The following NSD2 variants were observed in gnomAD, a reference collection of about 807,000 sequenced individuals.
The protein encoded by NSD2 is histone-lysine N-methyltransferase NSD2.
Under a neutral mutation model 139.0 loss-of-function variants are expected in NSD2, and 12 were observed. The ratio of observed to expected loss-of-function variants is 0.09; its 90% CI spans 0.06 to 0.14. The LOEUF is 0.14. Ranked by LOEUF, NSD2 falls within the 10% of genes least tolerant of loss-of-function variation. NSD2 has a pLI of 1.00. For synonymous variants in NSD2, 669 were observed against 648.7 expected (o/e 1.03, Z -0.48); for missense variants, 1,155 against 1,745.0 (o/e 0.66, Z 6.02).
intron 1 of NSD2, among the ~76,000 whole-genome samples, chr4:1,889,571 G>A (rs928521181): frequency 2.0e-5 from 3 of 151,404 alleles, no homozygotes; most frequent in Non-Finnish European, 2.9e-5. Context: ...GCACCATCTC[G>A]GCTTACTGTA....
chr4:1,948,969 C>CAGAGAAAGGGG lies in NSD2; in HGVS notation c.1882-2103_1882-2102insAGAGAAAGGGG. On this transcript the variant is annotated intron_variant, in intron 9 of 21. Transcript: ENST00000508803. This position sits in a 1 kb window ranked among gnomAD's most constrained non-coding sequence, Gnocchi z 4.5. Reference sequence around the variant, plus strand: ...TCTCCCCTGAGCCATGCAGAAGGCCCCTTTCTCTGGGCCTTGGTTCCCCCA... The same window carrying CAGAGAAAGGGG: ...TCTCCCCTGAGCCATGCAGAAGGCCCAGAGAAAGGGGCTTTCTCTGGGCCTTGGTTCCCCCA... 3.8e-6 allele frequency: 1 copy of CAGAGAAAGGGG among 264,528 alleles called. No homozygotes were observed. Among genetic ancestry groups the CAGAGAAAGGGG allele is most frequent in the Non-Finnish European group, 5.8e-6 (1 of 171,026 alleles). 16.4% of individuals were successfully genotyped at this position (264,528 alleles called of 1,614,324 possible). A position where few individuals can be genotyped will look rare whatever the true frequency, so the allele number is the denominator to read the frequency against.
Position 1,918,304 on chromosome 4 carries a change from G to C in NSD2, c.1091G>C (p.Gly364Ala). 1 of 1,614,042 alleles carries C rather than the reference G, an allele frequency of 6.2e-7. No individual in the cohort carries two copies. The highest frequency in any genetic ancestry group is 2.2e-5 in the East Asian group (1 of 44,862). The change falls in exon 5 of 22, where the codon GGC (glycine) becomes GCC (alanine). Residue 364 changes from glycine to alanine, a missense_variant. Physicochemically the swap from Gly to Ala is moderately conservative, Grantham distance 60. Transcript: ENST00000508803. ...AACCCTCAAGTAGCCAAGGAGGCTG[G>C]CATTGCTGCAGAGTCTTTGGGAGAA... ...HLNPQVAKEAGIAAESLGEMA... is the reference protein window; with the variant it reads ...HLNPQVAKEAAIAAESLGEMA...
At chr4:1,945,451 A>G in intron 9 of NSD2, 1 of 1,063,726 alleles carries the variant, frequency 9.4e-7, no homozygotes, top group Non-Finnish European at 1.1e-6. Context: ...GTCACAGAGA[A>G]GTTTAAAAAA....
intron 20 of NSD2, 98 bp downstream of exon 20, chr4:1,975,498 G>A: frequency 8.7e-7 from 1 of 1,148,498 alleles, no homozygotes; most frequent in Non-Finnish European, 1.3e-6. Flanking sequence ...CCTCCAGGCT[G>A]GCTTGTTGCC....
At chr4:1,882,415 A>G (rs1714767914) in intron 1 of NSD2, among the ~76,000 whole-genome samples, 1 of 152,206 alleles carries the variant, frequency 6.6e-6, no homozygotes, top group Non-Finnish European at 1.5e-5. Flanking sequence ...CTGTAATCCC[A>G]GCACTTTGGG....
rs1357499236 is a variant in NSD2 at position 1,975,319 on chromosome 4, C to T, written c.3540C>T (p.Asn1180=). Residue 1180 remains asparagine (N), a synonymous_variant, in exon 20 of 22, where the codon AAC becomes AAT. Transcript: ENST00000508803. ...GGACGGAGCTGACTTTTAACTACAA[C>T]CTCGATTGTCTGGGCAATGAAAAAA... The part of the protein sequence containing the change: ...PAGTELTFNY[N]LDCLGNEKTV... 2 of 1,614,088 alleles carry T rather than the reference C, an allele frequency of 1.2e-6. No individual in the cohort carries two copies. The highest frequency in any genetic ancestry group is 2.7e-5 in the African/African-American group (2 of 74,922).
chr4:1,872,631 A>AGAGAGAGAGAGAGAGAGAGAGAGG (rs984225040), intron 1 of NSD2, among the ~76,000 whole-genome samples: 3 of 133,392 alleles, frequency 2.2e-5, no homozygotes, highest in East Asian at 2.2e-4. Flanking sequence ...AGAGAGAGAG[A>AGAGAGAGAGAGAGAGAGAGAGAGG]GAGAGCGCGC....
At chr4:1,947,721 C>G (rs1290536174) in intron 9 of NSD2, 4 of 1,053,260 alleles carry the variant, frequency 3.8e-6, no homozygotes, top group Non-Finnish European at 4.6e-6. Flanking sequence ...CCATCAGCTT[C>G]CTTCTTTACA....
intron 3 of NSD2, among the ~76,000 whole-genome samples, chr4:1,907,591 C>A (rs1182736320): frequency 1.4e-5 from 2 of 145,208 alleles, no homozygotes; most frequent in East Asian, 2.1e-4. Context: ...CACCTTGAAA[C>A]ATCTTGTTCT....
chr4:1,910,798 T>C (rs1210035418), intron 3 of NSD2, among the ~76,000 whole-genome samples: 1 of 152,208 alleles, frequency 6.6e-6, no homozygotes, highest in African/African-American at 2.4e-5. Context: ...GTTTTTCTAC[T>C]TGTAGTTCTG....
At chr4:1,876,800 TGAGTTGGCACTGAGA>T (rs879782518) in intron 1 of NSD2, among the ~76,000 whole-genome samples, 1 of 152,154 alleles carries the variant, frequency 6.6e-6, no homozygotes, top group Non-Finnish European at 1.5e-5. Flanking sequence ...TAAGTTGACT[TGAGTTGGCACTGAGA>T]GAGTTGATGA....
At position 1,901,055 on chromosome 4, in the gene NSD2, A is replaced by G; in HGVS notation, c.401A>G (p.Asn134Ser). 6.2e-7 allele frequency: 1 copy of G among 1,614,236 alleles called. No homozygotes were observed. The highest frequency in any genetic ancestry group is 2.2e-5 in the East Asian group (1 of 44,888). ...CTGAAAATCACCAAAACATACATGA[A>G]TGGGAAGCCTCTCTTTGAATCTTCC... ...IKLKITKTYM[N>S]GKPLFESSIC... The change falls in exon 2 of 22, where the codon AAT becomes AGT. Residue 134 changes from asparagine (N) to serine (S), a missense_variant. By Grantham distance (46) the Asn-to-Ser change is conservative (BLOSUM62 1). Around this residue, in one of 8 missense-constraint regions of NSD2, gnomAD observed 246 missense variants for 262.8 expected, o/e 0.94. Coordinates refer to ENST00000508803, the MANE Select transcript of NSD2 (RefSeq NM_001042424.3).
intron 7 of NSD2, among the ~76,000 whole-genome samples, chr4:1,937,974 C>T (rs1166783694): frequency 6.6e-6 from 1 of 152,194 alleles, no homozygotes; most frequent in Non-Finnish European, 1.5e-5. Flanking sequence ...TATAGTGATA[C>T]TAGTAATGTT....
chr4:1,933,913 C>T (rs1417502901), intron 6 of NSD2, among the ~76,000 whole-genome samples: 1 of 152,124 alleles, frequency 6.6e-6, no homozygotes, highest in African/African-American at 2.4e-5. Flanking sequence ...ACACCTAACA[C>T]ATGGAACAGC....
chr4:1,951,230 T>A (rs1724190444), intron 10 of NSD2, 27 bp downstream of exon 10: 1 of 1,613,446 alleles, frequency 6.2e-7, no homozygotes, highest in African/African-American at 1.3e-5. Context: ...ATCCGCTATG[T>A]CCGTGCTGGT....
intron 5 of NSD2, among the ~76,000 whole-genome samples, chr4:1,927,431 G>A (rs778249129): frequency 2.0e-5 from 3 of 151,892 alleles, no homozygotes; most frequent in Admixed American, 6.6e-5. Flanking sequence ...AAAGATGTTG[G>A]GGGGAGCACA....
intron 9 of NSD2, chr4:1,941,537 C>G: frequency 1.9e-6 from 2 of 1,041,582 alleles, no homozygotes; most frequent in Non-Finnish European, 2.3e-6. Flanking sequence ...AGCATTTTAT[C>G]ATCATTAGAC....
intron 9 of NSD2, among the ~76,000 whole-genome samples, chr4:1,949,819 CTG>C (rs1218514204): frequency 2.6e-5 from 4 of 151,518 alleles, no homozygotes; most frequent in Non-Finnish European, 5.9e-5. Context: ...GCAAACACTT[CTG>C]TGTTAGTTTT....
At chr4:1,938,593 T>C in intron 8 of NSD2, 61 bp downstream of exon 8, 1 of 515,360 alleles carries the variant, frequency 1.9e-6, no homozygotes. Flanking sequence ...GCTGGGTGGG[T>C]GGGCTGAGAG....
Sources: gnomAD v4.1 joint callset for allele counts (sites outside exome capture counted in the v4.1 genomes callset) on GRCh38, gnomAD v4.1.1 for gene constraint, gnomAD v4.1.1 regional missense constraint, Gnocchi (gnomAD v3.1) non-coding constraint, MANE v1.5 for transcripts, NCBI Gene and HGNC (gene_info 2026-07-23, HGNC 2026-07-21) for gene names.